PRR16: variants seen among roughly 807,000 people sequenced by gnomAD.
PRR16 encodes the protein proline rich 16, also known as protein Largen.
Under a neutral mutation model 18.2 loss-of-function variants are expected in PRR16, and 6 were observed. The ratio of observed to expected loss-of-function variants is 0.33; its 90% CI spans 0.18 to 0.65. The LOEUF is 0.65. PRR16 is among the 30% of genes least tolerant of loss of function. The pLI is 0.74. For missense variants in PRR16, 412 were observed against 376.6 expected (o/e 1.09, Z -0.78); for synonymous variants, 151 against 147.8 (o/e 1.02, Z -0.16).
the PRR16 span, among the ~76,000 whole-genome samples, chr5:120,707,428 A>G: frequency 2.0e-5 from 3 of 152,228 alleles, no homozygotes; most frequent in Non-Finnish European, 4.4e-5. Context: ...AAGCTCTTCT[A>G]GATACTTTTG....
chr5:120,643,233 T>C (rs1755481328), intron 1 of PRR16, among the ~76,000 whole-genome samples: 1 of 152,078 alleles, frequency 6.6e-6, no homozygotes, highest in East Asian at 1.9e-4. Flanking sequence ...TTTCAAATTG[T>C]TTGAGACCCA....
At chr5:120,763,267 C>T in the PRR16 span, among the ~76,000 whole-genome samples, 4 of 152,148 alleles carry the variant, frequency 2.6e-5, no homozygotes, top group African/African-American at 9.6e-5. Context: ...CCTCAGCCTC[C>T]CAAGTAAGTG....
the PRR16 span, among the ~76,000 whole-genome samples, chr5:120,767,652 C>G: frequency 6.6e-6 from 1 of 151,844 alleles, no homozygotes; most frequent in East Asian, 1.9e-4. Context: ...TCACAACAGC[C>G]AAATCACAAA....
intron 1 of PRR16, among the ~76,000 whole-genome samples, chr5:120,489,166 G>T (rs1749927849): frequency 6.6e-6 from 1 of 152,146 alleles, no homozygotes; most frequent in East Asian, 1.9e-4. Flanking sequence ...TGTCTATTAG[G>T]TCCACTTGGT....
intron 1 of PRR16, among the ~76,000 whole-genome samples, chr5:120,622,725 C>T (rs562340670): frequency 3.3e-5 from 5 of 152,192 alleles, no homozygotes; most frequent in Non-Finnish European, 5.9e-5. Context: ...GATCCACCCG[C>T]CTCAGCCTCC....
At chr5:120,589,459 A>C (rs1753559029) in intron 1 of PRR16, among the ~76,000 whole-genome samples, 1 of 152,146 alleles carries the variant, frequency 6.6e-6, no homozygotes, top group African/African-American at 2.4e-5. Context: ...TTACCACTTC[A>C]CACACAGGCT....
the PRR16 span, among the ~76,000 whole-genome samples, chr5:120,773,343 T>C: frequency 3.9e-5 from 6 of 152,136 alleles, no homozygotes; most frequent in African/African-American, 1.4e-4. Context: ...ACTGAGTTTG[T>C]TTTGAATGTT....
chr5:120,519,000 T>C (rs1483878690), intron 1 of PRR16, among the ~76,000 whole-genome samples: 5 of 152,140 alleles, frequency 3.3e-5, no homozygotes, highest in African/African-American at 1.2e-4. Context: ...GCCTATGTCT[T>C]AACTAATACA....
intron 1 of PRR16, among the ~76,000 whole-genome samples, chr5:120,630,577 C>CT (rs35131515): frequency 0.046 from 6,925 of 151,306 alleles, 423 homozygotes; most frequent in African/African-American, 0.13. Flanking sequence ...AAACGAACAC[C>CT]TTTTTTTTTT....
At chr5:120,737,828 T>C in the PRR16 span, among the ~76,000 whole-genome samples, 69 of 152,156 alleles carry the variant, frequency 4.5e-4, no homozygotes, top group Non-Finnish European at 8.4e-4. Context: ...TCTTAATTTC[T>C]AAATGATTCA....
At chr5:120,605,949 C>T (rs868184540) in intron 1 of PRR16, among the ~76,000 whole-genome samples, 1 of 152,154 alleles carries the variant, frequency 6.6e-6, no homozygotes, top group East Asian at 1.9e-4. Flanking sequence ...CCAGCAAAAG[C>T]ACTCCAGCCA....
intron 1 of PRR16, among the ~76,000 whole-genome samples, chr5:120,677,909 T>TC (rs201991059): frequency 3.1e-5 from 4 of 129,812 alleles, no homozygotes; most frequent in Non-Finnish European, 4.9e-5. Context: ...TTCTTTCTTT[T>TC]TTTTTTTTTT....
rs1753365126 is a variant in PRR16, at chr5:120,584,208, C to A, written c.160-101746C>A. 5.3e-5 allele frequency among the ~76,000 whole-genome samples: 8 copies of A among 152,252 alleles called. No homozygotes were observed. The South Asian group carries it at 1.7e-3, about 32-fold the overall frequency. On this transcript the variant is annotated intron_variant, in intron 1 of 1. Transcript: ENST00000407149. ...TTGAGGCTTACATGGTAAGTAGTAT[C>A]TAGGACATAAAGGAGAAGTTTATTA... is the stretch of plus-strand genomic sequence containing the variant.
rs151276179 is a variant in PRR16 at position 120,469,647 on chromosome 5, T to C, written c.159+5002T>C. Reference sequence around the variant, plus strand: ...GTCTGGCTTGAAGTATTTTCCAAGTTCTAAAGTTGTGTATAAATAGAATTT... The same window carrying C: ...GTCTGGCTTGAAGTATTTTCCAAGTCCTAAAGTTGTGTATAAATAGAATTT... On this transcript the variant is annotated intron_variant, in intron 1 of 1. Coordinates refer to ENST00000407149, the MANE Select transcript of PRR16 (RefSeq NM_001300783.2). 2.5e-3 allele frequency among the ~76,000 whole-genome samples: 385 copies of C among 152,276 alleles called. 1 individual carries two copies. Among genetic ancestry groups the C allele is most frequent in the African/African-American group, 8.7e-3 (362 of 41,556 alleles).
chr5:120,483,702 TC>T (rs1197826366), intron 1 of PRR16, among the ~76,000 whole-genome samples: 20 of 152,088 alleles, frequency 1.3e-4, no homozygotes. Context: ...CACAAATATA[TC>T]ATCTTTTATT....
chr5:120,612,311 G>T (rs186480933), intron 1 of PRR16, among the ~76,000 whole-genome samples: 1 of 152,150 alleles, frequency 6.6e-6, no homozygotes, highest in African/African-American at 2.4e-5. Flanking sequence ...TTGGTGGACT[G>T]TTGGGAAGGC....
chr5:120,543,411 A>G (rs1251494697), intron 1 of PRR16, among the ~76,000 whole-genome samples: 1 of 152,126 alleles, frequency 6.6e-6, no homozygotes, highest in Non-Finnish European at 1.5e-5. Flanking sequence ...AAATTATATT[A>G]TGGAAACACT....
At chr5:120,557,729 T>G (rs1752459815) in intron 1 of PRR16, among the ~76,000 whole-genome samples, 1 of 151,958 alleles carries the variant, frequency 6.6e-6, no homozygotes, top group Non-Finnish European at 1.5e-5. Flanking sequence ...TACATTTCAA[T>G]CCATTAAATA....
chr5:120,553,369 A>G (rs1425264415), intron 1 of PRR16, among the ~76,000 whole-genome samples: 1 of 151,918 alleles, frequency 6.6e-6, no homozygotes, highest in East Asian at 1.9e-4. Context: ...ACAGTTTATC[A>G]AACACATAAT....
Sources: allele counts gnomAD v4.1 joint callset (sites outside exome capture counted in the v4.1 genomes callset), GRCh38; gene constraint gnomAD v4.1.1; transcripts MANE v1.5; gene names NCBI Gene and HGNC (gene_info 2026-07-23, HGNC 2026-07-21).